The following LDLRAD4 variants were observed in gnomAD, a reference collection of about 807,000 sequenced individuals.
The protein encoded by LDLRAD4 is low density lipoprotein receptor class A domain containing 4, also known as low-density lipoprotein receptor class A domain-containing protein 4.
LDLRAD4 carries 5 observed loss-of-function variants against 17.0 expected under a neutral mutation model. The ratio of observed to expected loss-of-function variants is 0.29; its 90% CI spans 0.15 to 0.62. LDLRAD4 has a LOEUF of 0.62. LDLRAD4 is among the 20% of genes least tolerant of loss of function. The pLI, the probability that LDLRAD4 is intolerant of heterozygous loss-of-function variation, is 0.84. For missense variants in LDLRAD4, 340 were observed against 424.7 expected (o/e 0.80, Z 1.75); for synonymous variants, 168 against 171.8 (o/e 0.98, Z 0.17).
chr18:13,545,849 A>G (rs968724471), intron 3 of LDLRAD4, among the ~76,000 whole-genome samples: 1 of 152,226 alleles, frequency 6.6e-6, no homozygotes, highest in Non-Finnish European at 1.5e-5. Context: ...CCAATGGGGC[A>G]GGATGGAGGC....
At chr18:13,254,384 CACTGGGCCACGGTCTGGAG>C (rs2043389883) in intron 1 of LDLRAD4, among the ~76,000 whole-genome samples, 1 of 152,212 alleles carries the variant, frequency 6.6e-6, no homozygotes, top group Non-Finnish European at 1.5e-5. Flanking sequence ...GGTCTGTTTG[CACTGGGCCACGGTCTGGAG>C]ACTGGGCAGT....
chr18:13,557,746 C>A (rs1297950297), intron 3 of LDLRAD4, among the ~76,000 whole-genome samples: 1 of 152,154 alleles, frequency 6.6e-6, no homozygotes, highest in African/African-American at 2.4e-5. Flanking sequence ...AAGAAGTGAG[C>A]TAAGAATTGT....
intron 2 of LDLRAD4, among the ~76,000 whole-genome samples, chr18:13,426,765 A>T (rs567293481): frequency 6.6e-6 from 1 of 152,210 alleles, no homozygotes; most frequent in Non-Finnish European, 1.5e-5. Flanking sequence ...CTGCAGTAGA[A>T]CATCCTGCCA....
chr18:13,439,967 G>T (rs1345277714), intron 3 of LDLRAD4, among the ~76,000 whole-genome samples: 1 of 152,214 alleles, frequency 6.6e-6, no homozygotes, highest in Non-Finnish European at 1.5e-5. Flanking sequence ...AGCACTTAGA[G>T]CAGCATATTC....
chr18:13,425,705 G>T (rs72874888), intron 2 of LDLRAD4, among the ~76,000 whole-genome samples: 685 of 152,356 alleles, frequency 4.5e-3, no homozygotes, highest in Non-Finnish European at 7.7e-3. Flanking sequence ...TGAGTTTTCC[G>T]TGCTGGGGTT....
intron 3 of LDLRAD4, among the ~76,000 whole-genome samples, chr18:13,531,982 C>A (rs890813758): frequency 2.0e-5 from 3 of 152,176 alleles, no homozygotes; most frequent in Admixed American, 6.5e-5. Context: ...GATTTTCACA[C>A]TGACCCCCCA....
At chr18:13,316,508 G>A (rs995849983) in intron 1 of LDLRAD4, among the ~76,000 whole-genome samples, 2 of 152,230 alleles carry the variant, frequency 1.3e-5, no homozygotes, top group African/African-American at 4.8e-5. Flanking sequence ...GCATGGGAAT[G>A]TAGGAGGGAA....
At chr18:13,243,357 A>G (rs373641699) in intron 1 of LDLRAD4, among the ~76,000 whole-genome samples, 8 of 152,120 alleles carry the variant, frequency 5.3e-5, no homozygotes, top group African/African-American at 1.9e-4. Context: ...TAATGAGACA[A>G]AATGTGGGAA....
chr18:13,246,940 G>GTT (rs201860613), intron 1 of LDLRAD4, among the ~76,000 whole-genome samples: 6 of 144,770 alleles, frequency 4.1e-5, no homozygotes, highest in African/African-American at 7.7e-5. Flanking sequence ...ATCTACAAGG[G>GTT]TTTTTTTTTT....
At chr18:13,375,072 C>T (rs1315800876) in intron 1 of LDLRAD4, among the ~76,000 whole-genome samples, 3 of 152,188 alleles carry the variant, frequency 2.0e-5, no homozygotes, top group Non-Finnish European at 4.4e-5. Flanking sequence ...TCCATGGGAA[C>T]TAGAAGGGAA....
At chr18:13,572,558 A>G (rs2094708213) in intron 3 of LDLRAD4, among the ~76,000 whole-genome samples, 2 of 152,358 alleles carry the variant, frequency 1.3e-5, no homozygotes, top group African/African-American at 2.4e-5. Flanking sequence ...TTTGGCTTCA[A>G]TGCACATTGA....
intron 3 of LDLRAD4, chr18:13,585,488 A>T (rs2094921625): frequency 1.3e-5 from 2 of 152,184 alleles, no homozygotes; most frequent in Admixed American, 1.3e-4. Flanking sequence ...TGCACTAATG[A>T]GCAAGCAGGG....
chr18:13,602,223 T>C (rs796353417), intron 3 of LDLRAD4, among the ~76,000 whole-genome samples: 59 of 152,272 alleles, frequency 3.9e-4, no homozygotes, highest in African/African-American at 1.4e-3. Context: ...GCTCACTGTC[T>C]TGGAGACAAG....
At chr18:13,428,399 T>C (rs1382341104) in intron 2 of LDLRAD4, among the ~76,000 whole-genome samples, 13 of 152,046 alleles carry the variant, frequency 8.6e-5, no homozygotes, top group Admixed American at 5.2e-4. Flanking sequence ...AGGCCAGGCA[T>C]CCAGAGCCAA....
chr18:13,448,293 G>A (rs28597978), intron 3 of LDLRAD4, among the ~76,000 whole-genome samples: 5,373 of 152,262 alleles, frequency 0.035, 216 homozygotes, highest in African/African-American at 0.098. Context: ...CACTGCTCTT[G>A]TGGAAACCGT....
At chr18:13,581,881 A>G (rs772400059) in intron 3 of LDLRAD4, among the ~76,000 whole-genome samples, 4 of 152,016 alleles carry the variant, frequency 2.6e-5, no homozygotes, top group Non-Finnish European at 4.4e-5. Flanking sequence ...GCACACACGT[A>G]TGTGTGTGCA....
intron 1 of LDLRAD4, among the ~76,000 whole-genome samples, chr18:13,360,554 A>G (rs910972088): frequency 6.6e-6 from 1 of 152,280 alleles, no homozygotes; most frequent in African/African-American, 2.4e-5. Context: ...TTTCCAGGTC[A>G]TCAATAATAA....
intron 3 of LDLRAD4, among the ~76,000 whole-genome samples, chr18:13,537,131 G>A (rs900573797): frequency 6.6e-6 from 1 of 152,120 alleles, no homozygotes; most frequent in Non-Finnish European, 1.5e-5. Flanking sequence ...AGTAGTATTG[G>A]TTCATAAAAT....
intron 3 of LDLRAD4, among the ~76,000 whole-genome samples, chr18:13,590,067 GTGTGTGGGTGTGCA>G (rs1272410743): frequency 4.0e-5 from 6 of 151,302 alleles, no homozygotes; most frequent in African/African-American, 9.8e-5. Flanking sequence ...GTGACTGCAT[GTGTGTGGGTGTGCA>G]TGTGTGGGTG....
Sources: gnomAD v4.1 joint callset for allele counts (sites outside exome capture counted in the v4.1 genomes callset) on GRCh38, gnomAD v4.1.1 for gene constraint, MANE v1.5 for transcripts, NCBI Gene and HGNC (gene_info 2026-07-23, HGNC 2026-07-21) for gene names.